The following ATG10 variants were observed in gnomAD, a reference collection of about 807,000 sequenced individuals.
ATG10 encodes the protein ubiquitin-like-conjugating enzyme ATG10.
Under a neutral mutation model 32.1 loss-of-function variants are expected in ATG10, and 30 were observed. The ratio of observed to expected loss-of-function variants is 0.94; its 90% CI spans 0.70 to 1.27. ATG10 has a LOEUF of 1.27. Among genes scored for constraint, ATG10 ranks in the 50% most tolerant of loss-of-function variants. The pLI is 0.00. For missense variants in ATG10, 233 were observed against 262.3 expected (o/e 0.89, Z 0.77); for synonymous variants, 87 against 91.5 (o/e 0.95, Z 0.28).
At chr5:82,198,688 A>G (rs1007824139) in intron 5 of ATG10, among the ~76,000 whole-genome samples, 4 of 152,260 alleles carry the variant, frequency 2.6e-5, no homozygotes, top group Non-Finnish European at 5.9e-5. Context: ...CCACATTCTA[A>G]GGACAGGCCA....
rs528349915 is a variant in ATG10 at position 82,112,858 on chromosome 5, C to T, written c.217-51541C>T. 4.5e-4 allele frequency among the ~76,000 whole-genome samples: 68 copies of T among 151,900 alleles called. 1 individual carries two copies. Among genetic ancestry groups the T allele is most frequent in the Admixed American group, 4.4e-3 (67 of 15,204 alleles). ...TAACAGCAAACTTTGTTTGGAGAAC[C>T]ATATTGTGCAAGTGGTTAGTGATAT... On this transcript the variant is annotated intron_variant, in intron 3 of 7. Coordinates refer to ENST00000282185, the MANE Select transcript of ATG10 (RefSeq NM_031482.5).
chr5:82,199,864 T>C (rs750529876), intron 5 of ATG10, among the ~76,000 whole-genome samples: 1 of 152,172 alleles, frequency 6.6e-6, no homozygotes, highest in Non-Finnish European at 1.5e-5. Context: ...TTGTTTTACG[T>C]TTTTCGGAAT....
intron 2 of ATG10, among the ~76,000 whole-genome samples, chr5:82,005,033 G>C (rs1761954944): frequency 1.3e-5 from 2 of 152,008 alleles, no homozygotes; most frequent in South Asian, 4.2e-4. Context: ...TTTTTGAGTT[G>C]ATTAGTGATA....
At chr5:82,150,217 C>T (rs1767535473) in intron 3 of ATG10, among the ~76,000 whole-genome samples, 1 of 151,180 alleles carries the variant, frequency 6.6e-6, no homozygotes, top group Non-Finnish European at 1.5e-5. Flanking sequence ...ATTTAGGAAA[C>T]AAGTCAGTTC....
chr5:82,194,890 C>T (rs1484696817), intron 5 of ATG10, among the ~76,000 whole-genome samples: 1 of 152,134 alleles, frequency 6.6e-6, no homozygotes, highest in Non-Finnish European at 1.5e-5. Flanking sequence ...AAGTTTCCAT[C>T]GCTGCCAATA....
intron 2 of ATG10, among the ~76,000 whole-genome samples, chr5:82,056,301 A>G (rs1554044276): frequency 6.6e-6 from 1 of 152,196 alleles, no homozygotes; most frequent in Non-Finnish European, 1.5e-5. Flanking sequence ...GAAAAATCTG[A>G]GATAGAACTA....
At chr5:82,220,839 G>A (rs182039863) in intron 5 of ATG10, among the ~76,000 whole-genome samples, 15 of 150,482 alleles carry the variant, frequency 1.0e-4, no homozygotes, top group Admixed American at 3.3e-4. Flanking sequence ...TTGGCTCTCT[G>A]CGACCTCTGC....
At chr5:82,182,102 G>A (rs1310579354) in intron 5 of ATG10, among the ~76,000 whole-genome samples, 1 of 152,092 alleles carries the variant, frequency 6.6e-6, no homozygotes, top group Non-Finnish European at 1.5e-5. Context: ...CTGTGATCTT[G>A]GCATGGCCTA....
intron 5 of ATG10, among the ~76,000 whole-genome samples, chr5:82,196,433 TA>T (rs1036025644): frequency 6.6e-6 from 1 of 152,152 alleles, no homozygotes; most frequent in African/African-American, 2.4e-5. Flanking sequence ...TCGCCTTAGG[TA>T]TTATATCTAC....
chr5:82,051,535 C>T lies in ATG10; in HGVS notation c.109-6960C>T, dbSNP rs558863103. On this transcript the variant is annotated intron_variant, in intron 2 of 7. Coordinates refer to ENST00000282185, the MANE Select transcript of ATG10 (RefSeq NM_031482.5). ...TTCTTGAGTTTTTGTCTAAATGAGC[C>T]AGAGGCTAGCAGTACTGATGAATCA... 4.6e-5 allele frequency among the ~76,000 whole-genome samples: 7 copies of T among 152,226 alleles called. No homozygotes were observed. The South Asian group carries it at 1.5e-3, about 32-fold the overall frequency.
At chr5:81,973,111 C>T (rs530966166) in intron 1 of ATG10, 1 of 152,108 alleles carries the variant, frequency 6.6e-6, no homozygotes, top group African/African-American at 2.4e-5. Context: ...GTTTTAGTGC[C>T]TTGTAGGATA....
At chr5:82,049,305 A>C (rs1427590335) in intron 2 of ATG10, among the ~76,000 whole-genome samples, 1 of 150,866 alleles carries the variant, frequency 6.6e-6, no homozygotes, top group South Asian at 2.1e-4. Context: ...AGAACAAAAA[A>C]CCAAACACTG....
chr5:81,978,724 G>A (rs111503664), intron 1 of ATG10, among the ~76,000 whole-genome samples: 9 of 152,058 alleles, frequency 5.9e-5, no homozygotes, highest in African/African-American at 1.7e-4. Context: ...GCAGTGTCAC[G>A]GTCATAGCTC....
At chr5:82,165,891 A>C (rs1166247454) in intron 4 of ATG10, among the ~76,000 whole-genome samples, 1 of 152,212 alleles carries the variant, frequency 6.6e-6, no homozygotes, top group African/African-American at 2.4e-5. Flanking sequence ...GGTAGAGGAA[A>C]TAAGACATTA....
At chr5:82,251,548 C>A (rs537812874) in intron 5 of ATG10, among the ~76,000 whole-genome samples, 18 of 152,296 alleles carry the variant, frequency 1.2e-4, no homozygotes, top group South Asian at 8.3e-4. Flanking sequence ...AGCAGAGTAG[C>A]CAGCATGGCC....
intron 3 of ATG10, among the ~76,000 whole-genome samples, chr5:82,160,266 A>C (rs1039904731): frequency 1.3e-5 from 2 of 152,234 alleles, no homozygotes; most frequent in East Asian, 3.8e-4. Flanking sequence ...TATAAGTGGA[A>C]TCATACGGTA....
intron 1 of ATG10, among the ~76,000 whole-genome samples, chr5:81,979,421 G>C (rs1760968696): frequency 6.6e-6 from 1 of 152,032 alleles, no homozygotes; most frequent in South Asian, 2.1e-4. Context: ...CTAGCTACTC[G>C]GGAGGCTGAG....
intron 2 of ATG10, among the ~76,000 whole-genome samples, chr5:81,993,360 C>CTTTCCTTCT: frequency 2.1e-5 from 1 of 46,772 alleles, no homozygotes; most frequent in Non-Finnish European, 4.0e-5. Flanking sequence ...TCTTTCTTTC[C>CTTTCCTTCT]TTCTTTTCTT....
chr5:82,125,022 G>A (rs1461350687), intron 3 of ATG10, among the ~76,000 whole-genome samples: 3 of 152,108 alleles, frequency 2.0e-5, no homozygotes, highest in African/African-American at 7.2e-5. Flanking sequence ...ATTTTGATTT[G>A]CATTTCTCTA....
Sources: gnomAD v4.1 joint callset for allele counts (sites outside exome capture counted in the v4.1 genomes callset) on GRCh38, gnomAD v4.1.1 for gene constraint, MANE v1.5 for transcripts, NCBI Gene and HGNC (gene_info 2026-07-23, HGNC 2026-07-21) for gene names.